The following MYO1E variants were observed in gnomAD, a reference collection of about 807,000 sequenced individuals.
MYO1E encodes the protein unconventional myosin-Ie.
A neutral mutation model predicts 151.1 loss-of-function variants in MYO1E; 68 were observed. The observed-to-expected ratio is 0.45, with a 90% CI of 0.37 to 0.55. The LOEUF is 0.55. Ranked by LOEUF, MYO1E falls within the 20% of genes least tolerant of loss-of-function variation. MYO1E has a pLI of 0.00. For missense variants in MYO1E, 1,363 were observed against 1,389.3 expected (o/e 0.98, Z 0.30); for synonymous variants, 601 against 501.7 (o/e 1.20, Z -2.64).
intron 5 of MYO1E, among the ~76,000 whole-genome samples, chr15:59,232,189 T>C (rs1364491104): frequency 6.6e-6 from 1 of 152,120 alleles, no homozygotes; most frequent in East Asian, 1.9e-4. Flanking sequence ...TACCAACCCA[T>C]CTCATCCCAT....
At chr15:59,348,254 T>G (rs111740863) in intron 1 of MYO1E, among the ~76,000 whole-genome samples, 1,586 of 152,304 alleles carry the variant, frequency 0.01, 21 homozygotes, top group African/African-American at 0.033. Flanking sequence ...CCCTGGGAAC[T>G]AGTTTCCTAT....
rs1446908256 is a variant in MYO1E at position 59,136,834 on chromosome 15, C to T, written c.*546G>A. On this transcript the variant is annotated 3_prime_UTR_variant, in exon 28 of 28. Coordinates refer to ENST00000288235, the MANE Select transcript of MYO1E (RefSeq NM_004998.4). ...TGTAAACCAGTGCCCCTCTGTCGCC[C>T]TGGGCTCAGCAGGCCAGCTTACCCT... is the stretch of plus-strand genomic sequence containing the variant. 4.4e-6 allele frequency: 2 copies of T among 451,324 alleles called. No individual in the cohort carries two copies. The highest frequency in any genetic ancestry group is 1.6e-5 in the South Asian group (1 of 64,230). The allele number at this position is 451,324 out of a possible 1,614,324, so 28.0% of individuals were successfully genotyped here. A position where few individuals can be genotyped will look rare whatever the true frequency, so the allele number is the denominator to read the frequency against.
intron 1 of MYO1E, among the ~76,000 whole-genome samples, chr15:59,302,968 G>C (rs554842192): frequency 6.6e-6 from 1 of 152,246 alleles, no homozygotes; most frequent in East Asian, 1.9e-4. Context: ...CTCTAGAGTG[G>C]AGAAAGGAAA....
intron 18 of MYO1E, 29 bp downstream of exon 18, chr15:59,188,088 TA>T: frequency 1.3e-6 from 2 of 1,526,544 alleles, no homozygotes; most frequent in Non-Finnish European, 1.8e-6. Flanking sequence ...AAACCTGTTT[TA>T]AAAAAGGCCA....
chr15:59,235,194 T>C (rs1331448610), intron 5 of MYO1E, among the ~76,000 whole-genome samples: 3 of 152,216 alleles, frequency 2.0e-5, no homozygotes, highest in Non-Finnish European at 2.9e-5. Flanking sequence ...GTCTACGTCC[T>C]TTAAAATTTT....
chr15:59,324,358 C>T (rs1206426581), intron 1 of MYO1E, among the ~76,000 whole-genome samples: 4 of 152,164 alleles, frequency 2.6e-5, no homozygotes, highest in African/African-American at 9.7e-5. Flanking sequence ...GGAAAGGGGG[C>T]CACCCCTCGC....
At chr15:59,275,806 TG>T (rs1193517505) in intron 1 of MYO1E, among the ~76,000 whole-genome samples, 1 of 152,202 alleles carries the variant, frequency 6.6e-6, no homozygotes, top group African/African-American at 2.4e-5. Flanking sequence ...AAACCAAACA[TG>T]GATGTGCAGA....
intron 9 of MYO1E, among the ~76,000 whole-genome samples, chr15:59,222,426 G>A (rs2079961562): frequency 1.3e-5 from 2 of 152,132 alleles, no homozygotes; most frequent in Non-Finnish European, 2.9e-5. Flanking sequence ...CCTCTCTGTA[G>A]GAAGAACCCT....
At chr15:59,265,608 T>C (rs1270321382) in intron 2 of MYO1E, among the ~76,000 whole-genome samples, 2 of 152,086 alleles carry the variant, frequency 1.3e-5, no homozygotes, top group Admixed American at 6.6e-5. Context: ...GCTCCCTAAA[T>C]TTATCAGTAG....
At chr15:59,340,344 G>A (rs926343865) in intron 1 of MYO1E, among the ~76,000 whole-genome samples, 9 of 151,512 alleles carry the variant, frequency 5.9e-5, no homozygotes, top group Non-Finnish European at 8.8e-5. Context: ...CCGCCTGATC[G>A]TTAAATTAAA....
intron 1 of MYO1E, among the ~76,000 whole-genome samples, chr15:59,370,183 CCCTT>C (rs1473829051): frequency 6.6e-6 from 1 of 152,202 alleles, no homozygotes; most frequent in Non-Finnish European, 1.5e-5. Flanking sequence ...AATGTCCTTT[CCCTT>C]CCTGTTCTAA....
chr15:59,363,131 A>G (rs1485391063), intron 1 of MYO1E, among the ~76,000 whole-genome samples: 1 of 152,064 alleles, frequency 6.6e-6, no homozygotes, highest in African/African-American at 2.4e-5. Flanking sequence ...GCCCACCACC[A>G]TGCCTGGCTA....
intron 1 of MYO1E, among the ~76,000 whole-genome samples, chr15:59,282,956 A>G (rs532242964): frequency 3.9e-3 from 2 of 512 alleles, no homozygotes; most frequent in Admixed American, 0.029. Context: ...GAGGGGGGAG[A>G]GGGGAGGGGA....
At chr15:59,151,778 G>A (rs566815046) in intron 26 of MYO1E, among the ~76,000 whole-genome samples, 1 of 151,830 alleles carries the variant, frequency 6.6e-6, no homozygotes, top group Non-Finnish European at 1.5e-5. Context: ...GCTGGGTGCG[G>A]TGGCTCACAT....
chr15:59,231,781 T>C lies in MYO1E; in HGVS notation c.431A>G (p.Asp144Gly). The C allele has an allele frequency of 6.2e-7, 1 of 1,614,140 alleles. No individual in the cohort carries two copies. Among genetic ancestry groups the C allele is most frequent in the Non-Finnish European group, 8.5e-7 (1 of 1,179,978 alleles). Residue 144 changes from aspartate to glycine, a missense_variant, in exon 6 of 28, where the codon GAC (aspartate) becomes GGC (glycine). Coordinates refer to ENST00000288235, the MANE Select transcript of MYO1E (RefSeq NM_004998.4). Reference protein sequence around the residue: ...GGGTKVQHVKDIILQSNPLLE... With the variant: ...GGGTKVQHVKGIILQSNPLLE... ...CAGCGGGTTGGACTGCAGGATAATG[T>C]CCTTCACGTGCTGTCCCAGCAAATA...
At position 59,136,681 on chromosome 15, in the gene MYO1E, G is replaced by T. The variant is rs745787651; in HGVS notation, c.*699C>A. 4.4e-6 allele frequency: 2 copies of T among 456,326 alleles called. No individual in the cohort carries two copies. Among genetic ancestry groups the T allele is most frequent in the Non-Finnish European group, 8.8e-6 (2 of 226,798 alleles). The allele number at this position is 456,326 out of a possible 1,614,324, so 28.3% of individuals were successfully genotyped here. A position where few individuals can be genotyped will look rare whatever the true frequency, so the allele number is the denominator to read the frequency against. On this transcript the variant is annotated 3_prime_UTR_variant, in exon 28 of 28. Transcript: ENST00000288235. Reference sequence around the variant, plus strand: ...AAAGATCCTTCTTGTAGTAAGTACAGCATTTAAACACAAACCAATATGGGC... The same window carrying T: ...AAAGATCCTTCTTGTAGTAAGTACATCATTTAAACACAAACCAATATGGGC...
chr15:59,222,612 C>T (rs1266685235), intron 9 of MYO1E, among the ~76,000 whole-genome samples: 1 of 152,186 alleles, frequency 6.6e-6, no homozygotes, highest in Non-Finnish European at 1.5e-5. Context: ...AAGCTGTGAG[C>T]TTCCCATATT....
At chr15:59,235,345 A>G (rs2080055971) in intron 5 of MYO1E, among the ~76,000 whole-genome samples, 1 of 152,166 alleles carries the variant, frequency 6.6e-6, no homozygotes, top group Non-Finnish European at 1.5e-5. Flanking sequence ...TTTCTTGTGT[A>G]TACTTCGAGG....
At chr15:59,349,998 G>A (rs1219456263) in intron 1 of MYO1E, among the ~76,000 whole-genome samples, 4 of 152,186 alleles carry the variant, frequency 2.6e-5, no homozygotes, top group Non-Finnish European at 4.4e-5. Context: ...AGGAGGGGTG[G>A]CTAGAACAGA....
Sources: allele counts gnomAD v4.1 joint callset (sites outside exome capture counted in the v4.1 genomes callset), GRCh38; gene constraint gnomAD v4.1.1; transcripts MANE v1.5; gene names NCBI Gene and HGNC (gene_info 2026-07-23, HGNC 2026-07-21).